Variants in FAM117A observed in about 807,000 individuals in gnomAD.
The protein encoded by FAM117A is protein FAM117A.
FAM117A carries 21 observed loss-of-function variants against 44.1 expected under a neutral mutation model. The observed-to-expected ratio is 0.48, with a 90% CI of 0.34 to 0.69. The LOEUF (loss-of-function observed/expected upper bound fraction) is 0.69, where lower values mean the gene tolerates loss of function less well. FAM117A is among the 30% of genes least tolerant of loss of function. FAM117A has a pLI of 0.01. For synonymous variants in FAM117A, 220 were observed against 238.3 expected, an observed-to-expected ratio of 0.92 and a Z score of 0.71; for missense variants, 498 against 589.9, an observed-to-expected ratio of 0.84 and a Z score of 1.61.
At chr17:49,787,998 AAC>A (rs1476755328) in intron 1 of FAM117A, among the ~76,000 whole-genome samples, 1 of 152,190 alleles carries the variant, frequency 6.6e-6, no homozygotes, top group Non-Finnish European at 1.5e-5. Flanking sequence ...CTCAAACCCA[AAC>A]ACAGTGCGGT....
chr17:49,713,934 T>G (rs1173038986), intron 7 of FAM117A, among the ~76,000 whole-genome samples: 1 of 152,108 alleles, frequency 6.6e-6, no homozygotes, highest in Non-Finnish European at 1.5e-5. Flanking sequence ...GTGGGTGTGT[T>G]TGGGAAGGCC....
At chr17:49,726,030 C>T (rs2073557871) in intron 2 of FAM117A, among the ~76,000 whole-genome samples, 1 of 152,072 alleles carries the variant, frequency 6.6e-6, no homozygotes, top group Non-Finnish European at 1.5e-5. Context: ...GAGAGAATGG[C>T]CCTACCAACA....
intron 1 of FAM117A, among the ~76,000 whole-genome samples, chr17:49,769,909 T>C (rs986652381): frequency 6.6e-6 from 1 of 151,902 alleles, no homozygotes; most frequent in South Asian, 2.1e-4. Context: ...ATTCAGCAAA[T>C]CAGAGACAAG....
At chr17:49,722,676 G>T in intron 2 of FAM117A, 82 bp from the exon 3 acceptor site, 1 of 1,127,828 alleles carries the variant, frequency 8.9e-7, no homozygotes, top group African/African-American at 1.5e-5. Context: ...CTGGGTAGAG[G>T]TGATGGCCCT....
chr17:49,714,171 G>C (rs890995039), intron 7 of FAM117A, among the ~76,000 whole-genome samples: 1 of 152,186 alleles, frequency 6.6e-6, no homozygotes, highest in Non-Finnish European at 1.5e-5. Context: ...AAATCCAGAT[G>C]ATCTTGGAGG....
intron 1 of FAM117A, among the ~76,000 whole-genome samples, chr17:49,774,779 G>A (rs1039579367): frequency 2.6e-5 from 4 of 152,190 alleles, no homozygotes; most frequent in Non-Finnish European, 4.4e-5. Flanking sequence ...ACTCCTGAAA[G>A]TTGATGCTAA....
At chr17:49,716,962 CAT>C (rs1327168486) in intron 6 of FAM117A, among the ~76,000 whole-genome samples, 1 of 152,092 alleles carries the variant, frequency 6.6e-6, no homozygotes, top group Admixed American at 6.5e-5. Context: ...AATCAGACAA[CAT>C]AGGCACAGTG....
chr17:49,764,198 G>C, upstream of FAM117A: 1 of 516,116 alleles, frequency 1.9e-6, no homozygotes, highest in Non-Finnish European at 3.1e-6. Flanking sequence ...CCTCATCCTA[G>C]AGCTGTCATT....
intron 1 of FAM117A, among the ~76,000 whole-genome samples, chr17:49,788,185 T>C (rs1443011580): frequency 2.0e-5 from 3 of 152,198 alleles, no homozygotes; most frequent in Non-Finnish European, 4.4e-5. Context: ...TATCCGTTAG[T>C]TCCTTTTTCA....
upstream of FAM117A, chr17:49,788,625 T>C: frequency 4.0e-6 from 2 of 495,950 alleles, no homozygotes; most frequent in Admixed American, 3.9e-5. Flanking sequence ...TAACGTCAGG[T>C]GACGCGAGAC....
At chr17:49,722,359 A>T (rs990148917) in intron 3 of FAM117A, 140 bp downstream of exon 3, 6 of 668,396 alleles carry the variant, frequency 9.0e-6, no homozygotes, top group Admixed American at 7.7e-5. Flanking sequence ...GCTAGGAAGG[A>T]GCCATCTCAT....
intron 1 of FAM117A, among the ~76,000 whole-genome samples, chr17:49,762,799 T>G (rs527538784): frequency 6.6e-6 from 1 of 152,322 alleles, no homozygotes; most frequent in South Asian, 2.1e-4. Context: ...ACTTTCAACT[T>G]ATTGCCAACC....
At chr17:49,779,064 G>A (rs1165725321) in intron 1 of FAM117A, among the ~76,000 whole-genome samples, 1 of 152,218 alleles carries the variant, frequency 6.6e-6, no homozygotes, top group Non-Finnish European at 1.5e-5. Flanking sequence ...CAAAGGTCCT[G>A]AGAAGGAAGA....
chr17:49,732,746 C>T (rs2073591856), intron 1 of FAM117A, 26 bp from the exon 2 acceptor site: 2 of 1,606,110 alleles, frequency 1.2e-6, no homozygotes, highest in Admixed American at 3.4e-5. Flanking sequence ...GCCCGCACGC[C>T]TTGCCATCAG....
intron 1 of FAM117A, among the ~76,000 whole-genome samples, chr17:49,769,929 AGG>A (rs2073756053): frequency 6.6e-6 from 1 of 152,100 alleles, no homozygotes; most frequent in African/African-American, 2.4e-5. Flanking sequence ...GCAAAGGACC[AGG>A]ACTTCTGGAT....
chr17:49,733,170 C>T (rs2073593758), intron 1 of FAM117A, among the ~76,000 whole-genome samples: 1 of 152,210 alleles, frequency 6.6e-6, no homozygotes, highest in Non-Finnish European at 1.5e-5. Flanking sequence ...TTAGGCACTG[C>T]ACAAATTCAT....
chr17:49,760,308 G>C (rs1371161062), intron 1 of FAM117A, among the ~76,000 whole-genome samples: 6 of 152,036 alleles, frequency 3.9e-5, no homozygotes, highest in Non-Finnish European at 8.8e-5. Context: ...CTTTATATAG[G>C]AAAAACAGGT....
At chr17:49,769,736 A>T (rs2061564614) in intron 1 of FAM117A, among the ~76,000 whole-genome samples, 1 of 152,018 alleles carries the variant, frequency 6.6e-6, no homozygotes, top group African/African-American at 2.4e-5. Context: ...ATAAATAATA[A>T]ATAAAACTCT....
intron 1 of FAM117A, among the ~76,000 whole-genome samples, chr17:49,735,012 AGGG>A (rs942651201): frequency 1.3e-5 from 2 of 152,140 alleles, no homozygotes; most frequent in African/African-American, 4.8e-5. Context: ...TAGGAGGAGG[AGGG>A]GGAGTAGGAG....
Sources: allele counts gnomAD v4.1 joint callset (sites outside exome capture counted in the v4.1 genomes callset), GRCh38; gene constraint gnomAD v4.1.1; transcripts MANE v1.5; gene names NCBI Gene and HGNC (gene_info 2026-07-23, HGNC 2026-07-21).